Variants in ATRNL1 observed in about 807,000 individuals in gnomAD.
ATRNL1 encodes attractin-like protein 1.
In ATRNL1, 95 loss-of-function variants were observed where a neutral mutation model predicts 182.7. The observed-to-expected ratio is 0.52, with a 90% CI of 0.44 to 0.62. The LOEUF is 0.62. ATRNL1 is among the 20% of genes least tolerant of loss of function. ATRNL1 has a pLI of 0.00. For synonymous variants in ATRNL1, 576 were observed against 568.3 expected, an observed-to-expected ratio of 1.01 and a Z score of -0.19; for missense variants, 1,471 against 1,679.5, an observed-to-expected ratio of 0.88 and a Z score of 2.17.
At chr10:115,150,481 C>A (rs1221250025) in intron 5 of ATRNL1, among the ~76,000 whole-genome samples, 1 of 151,818 alleles carries the variant, frequency 6.6e-6, no homozygotes, top group South Asian at 2.1e-4. Flanking sequence ...CTGTAAACTT[C>A]CTTCTTAGCA....
At chr10:115,621,180 C>T (rs182838540) in intron 26 of ATRNL1, among the ~76,000 whole-genome samples, 2,515 of 148,946 alleles carry the variant, frequency 0.017, 30 homozygotes, top group South Asian at 0.023. Flanking sequence ...ACATAGAGAA[C>T]TTGAAAGCCT....
chr10:115,475,895 T>G (rs557833470), intron 24 of ATRNL1, among the ~76,000 whole-genome samples: 59 of 151,504 alleles, frequency 3.9e-4, no homozygotes, highest in South Asian at 2.1e-4. Context: ...TTATCTATAT[T>G]AGGTTGATTA....
At chr10:115,606,428 G>A (rs11197347) in intron 26 of ATRNL1, among the ~76,000 whole-genome samples, 1,656 of 152,018 alleles carry the variant, frequency 0.011, 29 homozygotes, top group African/African-American at 0.038. Flanking sequence ...TTCATTTTCA[G>A]GGTATAACAC....
intron 1 of ATRNL1, among the ~76,000 whole-genome samples, chr10:115,097,809 A>AG: frequency 6.6e-6 from 1 of 152,274 alleles, no homozygotes; most frequent in South Asian, 2.1e-4. Context: ...CTGTAGTCCC[A>AG]GTTACTCAGG....
chr10:115,567,991 T>G (rs570476580), intron 26 of ATRNL1, among the ~76,000 whole-genome samples: 29 of 152,296 alleles, frequency 1.9e-4, no homozygotes, highest in African/African-American at 5.8e-4. Flanking sequence ...TTCTACTTAA[T>G]ACGTCTAATT....
At chr10:115,454,895 T>A (rs577946525) in intron 21 of ATRNL1, among the ~76,000 whole-genome samples, 3 of 152,144 alleles carry the variant, frequency 2.0e-5, no homozygotes, top group Non-Finnish European at 4.4e-5. Flanking sequence ...CTTTTCTTTT[T>A]CTTGCCTAAT....
chr10:115,903,474 C>G (rs1555113940), intron 28 of ATRNL1, among the ~76,000 whole-genome samples: 1 of 152,174 alleles, frequency 6.6e-6, no homozygotes, highest in Non-Finnish European at 1.5e-5. Context: ...CTGGAAAATG[C>G]TTCTAAGATA....
chr10:115,208,462 T>C (rs1313107848), intron 8 of ATRNL1, among the ~76,000 whole-genome samples: 2 of 152,260 alleles, frequency 1.3e-5, no homozygotes, highest in East Asian at 1.9e-4. Context: ...TGTTGGACTT[T>C]GTGCTGACAC....
intron 5 of ATRNL1, among the ~76,000 whole-genome samples, chr10:115,135,972 A>G (rs930946734): frequency 6.6e-6 from 1 of 150,792 alleles, no homozygotes; most frequent in Non-Finnish European, 1.5e-5. Context: ...GATCCTCCCA[A>G]CTCAGCCTCC....
intron 19 of ATRNL1, among the ~76,000 whole-genome samples, chr10:115,393,214 A>G (rs1554954760): frequency 6.6e-6 from 1 of 152,120 alleles, no homozygotes; most frequent in Non-Finnish European, 1.5e-5. Flanking sequence ...ATCTGGTTCA[A>G]AGATTACTGG....
chr10:115,413,165 A>G (rs1845225839), intron 20 of ATRNL1, among the ~76,000 whole-genome samples: 1 of 152,132 alleles, frequency 6.6e-6, no homozygotes, highest in Non-Finnish European at 1.5e-5. Context: ...TATTTTATAC[A>G]TTTGTTTGGG....
chr10:115,201,279 G>A (rs1848568035), intron 8 of ATRNL1, among the ~76,000 whole-genome samples: 1 of 151,856 alleles, frequency 6.6e-6, no homozygotes, highest in Admixed American at 6.6e-5. Context: ...CATTGCTTTT[G>A]GTGTTTTAGA....
intron 27 of ATRNL1, among the ~76,000 whole-genome samples, chr10:115,798,390 C>T (rs544681039): frequency 6.6e-6 from 1 of 152,270 alleles, no homozygotes; most frequent in South Asian, 2.1e-4. Flanking sequence ...CTCTCTGCTC[C>T]CCATACCACT....
At chr10:115,146,782 A>G (rs1279028473) in intron 5 of ATRNL1, among the ~76,000 whole-genome samples, 1 of 147,144 alleles carries the variant, frequency 6.8e-6, no homozygotes, top group Non-Finnish European at 1.5e-5. Flanking sequence ...CCATGTTGCT[A>G]CAAATGACAT....
chr10:115,396,472 T>G (rs1302158713), intron 20 of ATRNL1, among the ~76,000 whole-genome samples: 2 of 151,996 alleles, frequency 1.3e-5, no homozygotes, highest in Non-Finnish European at 2.9e-5. Context: ...CTTAATAACT[T>G]TTAAATAAGA....
intron 28 of ATRNL1, among the ~76,000 whole-genome samples, chr10:115,941,927 G>A (rs1555124388): frequency 6.6e-6 from 1 of 152,194 alleles, no homozygotes; most frequent in Non-Finnish European, 1.5e-5. Flanking sequence ...CAAAGGTCAA[G>A]AAAACAGCTT....
At position 115,652,845 on chromosome 10, in the gene ATRNL1, G is replaced by T. The variant is rs74430877; in HGVS notation, c.3796-74403G>T. On this transcript the variant is annotated intron_variant, in intron 26 of 28. Transcript: ENST00000355044. ...TATCTTATGTTTTAACTAAATATTT[G>T]TCATTTATTATAGATGAATTATTAA... is the stretch of plus-strand genomic sequence containing the variant. 1.2e-4 allele frequency among the ~76,000 whole-genome samples: 19 copies of T among 152,088 alleles called. No individual in the cohort carries two copies. In the East Asian group the frequency reaches 3.3e-3, roughly 26 times the overall value.
intron 26 of ATRNL1, among the ~76,000 whole-genome samples, chr10:115,565,474 A>G (rs1487548862): frequency 2.0e-5 from 3 of 152,088 alleles, no homozygotes; most frequent in Non-Finnish European, 4.4e-5. Flanking sequence ...TTATTATGTT[A>G]TGCAAGTATA....
intron 27 of ATRNL1, among the ~76,000 whole-genome samples, chr10:115,840,187 T>C (rs1402525213): frequency 6.6e-6 from 1 of 152,034 alleles, no homozygotes; most frequent in East Asian, 1.9e-4. Context: ...TCCGGGGCAG[T>C]GTTGATGTGG....
Sources: allele counts gnomAD v4.1 joint callset (sites outside exome capture counted in the v4.1 genomes callset), GRCh38; gene constraint gnomAD v4.1.1; transcripts MANE v1.5; gene names NCBI Gene and HGNC (gene_info 2026-07-23, HGNC 2026-07-21).